Variants in PANX1 observed in about 807,000 individuals in gnomAD.
The protein encoded by PANX1 is pannexin 1.
A neutral mutation model predicts 38.7 loss-of-function variants in PANX1; 30 were observed. The ratio of observed to expected loss-of-function variants is 0.78; its 90% CI spans 0.58 to 1.05. The LOEUF is 1.05. Among genes scored for constraint, PANX1 ranks in the 50% least tolerant of loss-of-function variants. PANX1 has a pLI of 0.00. For missense variants in PANX1, 551 were observed against 517.2 expected, an observed-to-expected ratio of 1.07 and a Z score of -0.63; for synonymous variants, 230 against 212.2, an observed-to-expected ratio of 1.08 and a Z score of -0.73.
At chr11:94,178,303 A>T in intron 2 of PANX1, 66 bp from the exon 3 acceptor site, 2 of 1,196,948 alleles carry the variant, frequency 1.7e-6, no homozygotes, top group East Asian at 2.3e-5. Flanking sequence ...TGAGAGCATC[A>T]CTTGGCGCCA....
intron 2 of PANX1, among the ~76,000 whole-genome samples, chr11:94,158,194 T>C (rs1183111072): frequency 6.6e-6 from 1 of 152,204 alleles, no homozygotes; most frequent in East Asian, 1.9e-4. Context: ...TGCCTCCAGC[T>C]TAGTTCTTTT....
Position 94,153,293 on chromosome 11 carries a change from A to G in PANX1, c.182-198A>G, listed in dbSNP as rs76663162. Among the ~76,000 whole-genome samples, 236 of 152,260 alleles carry G rather than the reference A, an allele frequency of 1.5e-3. 1 individual carries two copies. The highest frequency in any genetic ancestry group is 5.4e-3 in the African/African-American group (224 of 41,550). On this transcript the variant is annotated intron_variant, in intron 1 of 4. Transcript: ENST00000227638. ...CCCCAACTGAGGCCAAGCTGCTATCATGACCAGTGTTGGCCAAAACCACTC... is the reference window on the plus strand; with the variant it reads ...CCCCAACTGAGGCCAAGCTGCTATCGTGACCAGTGTTGGCCAAAACCACTC...
At chr11:94,170,554 T>C (rs1028220704) in intron 2 of PANX1, among the ~76,000 whole-genome samples, 2 of 151,804 alleles carry the variant, frequency 1.3e-5, no homozygotes, top group Non-Finnish European at 2.9e-5. Context: ...TTTGGATACA[T>C]ACCCCAAAGT....
intron 2 of PANX1, among the ~76,000 whole-genome samples, chr11:94,161,554 C>T (rs7481693): frequency 0.48 from 72,419 of 152,006 alleles, 17,478 homozygotes; most frequent in Admixed American, 0.58. Context: ...GTTCTCGTGC[C>T]GTGGTTTTCA....
At chr11:94,137,096 GA>G (rs1209411974) in intron 1 of PANX1, among the ~76,000 whole-genome samples, 1 of 152,236 alleles carries the variant, frequency 6.6e-6, no homozygotes, top group East Asian at 1.9e-4. Context: ...ATGAGGTCAA[GA>G]GATCGAGACC....
Position 94,180,186 on chromosome 11 carries a change from T to C in PANX1, c.1130T>C (p.Val377Ala). 6.2e-7 allele frequency: 1 copy of C among 1,613,538 alleles called. No homozygotes were observed. Among genetic ancestry groups the C allele is most frequent in the Non-Finnish European group, 8.5e-7 (1 of 1,179,762 alleles). Residue 377 changes from valine (V) to alanine (A), a missense_variant, in exon 4 of 5, where the codon GTT becomes GCT. Physicochemically the swap from Val to Ala is moderately conservative, Grantham distance 64 (BLOSUM62 0). Transcript: ENST00000227638. The stretch of plus-strand genomic sequence containing the variant: ...AACCTTGGCATGATCAAGATGGATG[T>C]TGTTGATGGCAAAACTCCCATGTCT... ...LTNLGMIKMD[V>A]VDGKTPMSAE... is the part of the protein sequence containing the mutation.
chr11:94,156,201 T>A (rs1242382359), intron 2 of PANX1, among the ~76,000 whole-genome samples: 1 of 152,222 alleles, frequency 6.6e-6, no homozygotes, highest in East Asian at 1.9e-4. Flanking sequence ...GACCAGTTAC[T>A]GACCAACACA....
chr11:94,180,035 G>A lies in PANX1; in HGVS notation c.979G>A (p.Asp327Asn), dbSNP rs1565387446. Residue 327 changes from aspartate (D) to asparagine (N), a missense_variant, in exon 4 of 5, where the codon GAT becomes AAT. Asp to Asn is a conservative substitution (Grantham distance 23, BLOSUM62 1). Transcript: ENST00000227638. ...GCATTTCAAATCTGAAGGGTACAACGATTTGAGCCTCTACAATCTCTTCTT... is the reference window on the plus strand; with the variant it reads ...GCATTTCAAATCTGAAGGGTACAACAATTTGAGCCTCTACAATCTCTTCTT... ...VLHFKSEGYN[D>N]LSLYNLFLEE... 5 of 1,607,822 alleles carry A rather than the reference G, an allele frequency of 3.1e-6. No homozygotes were observed. Among genetic ancestry groups the A allele is most frequent in the Non-Finnish European group, 3.4e-6 (4 of 1,175,596 alleles).
rs1565369927 is a variant in PANX1, at chr11:94,129,412, G to A, written c.100G>A (p.Val34Met). The A allele has an allele frequency of 1.9e-6, 3 of 1,614,128 alleles. No individual in the cohort carries two copies. Among genetic ancestry groups the A allele is most frequent in the South Asian group, 2.2e-5 (2 of 91,058 alleles). Reference sequence around the variant, plus strand: ...CAAGGGGCTGCGACTGGAGCTGGCTGTGGACAAGATGGTCACGTGCATTGC... The same window carrying A: ...CAAGGGGCTGCGACTGGAGCTGGCTATGGACAAGATGGTCACGTGCATTGC... Reference protein sequence around the residue: ...KFKGLRLELAVDKMVTCIAVG... With the variant: ...KFKGLRLELAMDKMVTCIAVG... The change falls in exon 1 of 5, where the codon GTG becomes ATG. Residue 34 changes from valine to methionine, a missense_variant. By Grantham distance (21) the Val-to-Met change is conservative (BLOSUM62 1). Coordinates refer to ENST00000227638, the MANE Select transcript of PANX1 (RefSeq NM_015368.4).
intron 2 of PANX1, among the ~76,000 whole-genome samples, chr11:94,162,397 C>CCTA (rs1947052832): frequency 6.6e-6 from 1 of 152,206 alleles, no homozygotes; most frequent in Admixed American, 6.5e-5. Flanking sequence ...ACTTTGTTTA[C>CCTA]CTACTCAAGC....
chr11:94,163,039 A>G (rs1407502310), intron 2 of PANX1, among the ~76,000 whole-genome samples: 2 of 151,874 alleles, frequency 1.3e-5, no homozygotes, highest in African/African-American at 4.8e-5. Flanking sequence ...CATGTGGCTA[A>G]TTTTTGTTAT....
intron 2 of PANX1, among the ~76,000 whole-genome samples, chr11:94,167,580 G>A (rs1331055676): frequency 1.3e-5 from 2 of 152,226 alleles, no homozygotes; most frequent in South Asian, 2.1e-4. Flanking sequence ...TGGAGATCCA[G>A]ATAGTGGATT....
At chr11:94,174,367 C>T (rs547592917) in intron 2 of PANX1, among the ~76,000 whole-genome samples, 12 of 151,320 alleles carry the variant, frequency 7.9e-5, no homozygotes, top group Admixed American at 4.6e-4. Flanking sequence ...CAGACAAACA[C>T]GGAGGAAAGG....
rs922363663 is a variant in PANX1, at chr11:94,153,749, T to C, written c.321+119T>C. 9 of 930,670 alleles carry C rather than the reference T, an allele frequency of 9.7e-6. No individual in the cohort carries two copies. The African/African-American group carries it at 1.3e-4, about 14-fold the overall frequency. 57.7% of individuals were successfully genotyped at this position (930,670 alleles called of 1,614,324 possible). A position where few individuals can be genotyped will look rare whatever the true frequency, so the allele number is the denominator to read the frequency against. On this transcript the variant is annotated intron_variant, in intron 2 of 4. Transcript: ENST00000227638. ...TAGCCAACCAGTGCTGTATCTCAGA[T>C]TGTAAAACTGTAGCACCTTATAGTC...
chr11:94,131,943 A>G (rs1946634650), intron 1 of PANX1, among the ~76,000 whole-genome samples: 1 of 152,214 alleles, frequency 6.6e-6, no homozygotes, highest in African/African-American at 2.4e-5. Context: ...CAGTGAACTC[A>G]GGCCCCGGGA....
At chr11:94,132,368 GT>G (rs1946639832) in intron 1 of PANX1, among the ~76,000 whole-genome samples, 1 of 152,192 alleles carries the variant, frequency 6.6e-6, no homozygotes, top group Non-Finnish European at 1.5e-5. Context: ...AGAAGGAGGG[GT>G]TTCTTCTGAC....
intron 1 of PANX1, among the ~76,000 whole-genome samples, chr11:94,149,967 A>G (rs1028508282): frequency 6.6e-6 from 1 of 152,226 alleles, no homozygotes; most frequent in Non-Finnish European, 1.5e-5. Flanking sequence ...AGGAGATAAG[A>G]CATATATGTC....
At chr11:94,161,165 C>G (rs559728118) in intron 2 of PANX1, among the ~76,000 whole-genome samples, 132 of 152,290 alleles carry the variant, frequency 8.7e-4, no homozygotes, top group African/African-American at 2.9e-3. Flanking sequence ...ACATTTTTTC[C>G]TTCATTTCAA....
intron 2 of PANX1, among the ~76,000 whole-genome samples, chr11:94,154,523 T>C (rs1470998531): frequency 6.6e-6 from 1 of 152,220 alleles, no homozygotes; most frequent in Non-Finnish European, 1.5e-5. Context: ...GAAGAAAATA[T>C]AGAATTTTAG....
Sources: allele counts gnomAD v4.1 joint callset (sites outside exome capture counted in the v4.1 genomes callset), GRCh38; gene constraint gnomAD v4.1.1; transcripts MANE v1.5; gene names NCBI Gene and HGNC (gene_info 2026-07-23, HGNC 2026-07-21).